Variants in KRAS observed in about 807,000 individuals in gnomAD.
The protein encoded by KRAS is KRas proto-oncogene, GTPase, also known as GTPase KRas.
KRAS carries 1 observed loss-of-function variant against 21.0 expected under a neutral mutation model. The ratio of observed to expected loss-of-function variants is 0.05; its 90% CI spans 0.02 to 0.23. The LOEUF is 0.23. Ranked by LOEUF, KRAS falls within the 10% of genes least tolerant of loss-of-function variation. The probability of loss-of-function intolerance (pLI) is 1.00; values close to 1 mark genes in which losing one functional copy is unlikely to be tolerated. For missense variants in KRAS, 107 were observed against 221.8 expected (o/e 0.48, Z 3.29); for synonymous variants, 67 against 72.5 (o/e 0.92, Z 0.39).
intron 4 of KRAS, among the ~76,000 whole-genome samples, chr12:25,221,483 C>G (rs1156590229): frequency 3.9e-5 from 6 of 152,162 alleles, no homozygotes; most frequent in Non-Finnish European, 8.8e-5. Flanking sequence ...GTGTGCCCAC[C>G]TCGGCTTCCC....
At chr12:25,237,282 G>A (rs1951555771) in intron 2 of KRAS, among the ~76,000 whole-genome samples, 1 of 152,162 alleles carries the variant, frequency 6.6e-6, no homozygotes, top group Non-Finnish European at 1.5e-5. Context: ...GGGACTTTTG[G>A]GGTGATAATA....
intron 1 of KRAS, among the ~76,000 whole-genome samples, chr12:25,246,861 G>A (rs1252765663): frequency 5.3e-5 from 8 of 151,272 alleles, no homozygotes; most frequent in Admixed American, 3.9e-4. Context: ...AGCTTGCAGT[G>A]AGCCGAGATC....
intron 3 of KRAS, among the ~76,000 whole-genome samples, 180 bp downstream of exon 3, chr12:25,227,054 G>A (rs1951402832): frequency 6.6e-6 from 1 of 152,072 alleles, no homozygotes; most frequent in Admixed American, 6.5e-5. Context: ...TCTGGAGCAA[G>A]TTACTCCACT....
chr12:25,212,827 G>A (rs11047896), intron 4 of KRAS, among the ~76,000 whole-genome samples: 74,655 of 151,766 alleles, frequency 0.49, 19,283 homozygotes, highest in East Asian at 0.8. Flanking sequence ...GCCTCAAGCA[G>A]TCCTCGCGCT....
chr12:25,218,072 A>G (rs1951274986), intron 4 of KRAS, among the ~76,000 whole-genome samples: 1 of 152,190 alleles, frequency 6.6e-6, no homozygotes, highest in African/African-American at 2.4e-5. Context: ...GTAAAGCATG[A>G]GCTCTGTTAA....
rs1338746720 is a variant in KRAS at position 25,205,604 on chromosome 12, A to AAAG, written c.*4188_*4190dup. 10 of 222,158 alleles carry AAAG rather than the reference A, an allele frequency of 4.5e-5. No homozygotes were observed. Among genetic ancestry groups the AAAG allele is most frequent in the African/African-American group, 2.2e-4 (10 of 44,774 alleles). The allele number at this position is 222,158 out of a possible 1,614,324, so 13.8% of individuals were successfully genotyped here. On this transcript the variant is annotated 3_prime_UTR_variant, in exon 5 of 5. Transcript: ENST00000311936. ...AATTGGCACTCAAAGGAAAAATGCA[A>AAAG]AAGTATTTTCAACATGAAAACACAA...
At chr12:25,224,888 C>A (rs191691421) in intron 4 of KRAS, among the ~76,000 whole-genome samples, 297 of 152,200 alleles carry the variant, frequency 2.0e-3, no homozygotes, top group African/African-American at 6.5e-3. Flanking sequence ...AGACATATGA[C>A]TACATATAAC....
chr12:25,249,325 A>C (rs1282800612), intron 1 of KRAS, among the ~76,000 whole-genome samples: 3 of 152,260 alleles, frequency 2.0e-5, no homozygotes, highest in South Asian at 4.1e-4. Flanking sequence ...TGAATGCAGG[A>C]GGCAGAGGTT....
chr12:25,212,033 T>G (rs1027361822), intron 4 of KRAS, among the ~76,000 whole-genome samples: 1 of 152,220 alleles, frequency 6.6e-6, no homozygotes, highest in Non-Finnish European at 1.5e-5. Context: ...GGCTAAACTC[T>G]TTAACACATA....
intron 1 of KRAS, among the ~76,000 whole-genome samples, chr12:25,247,954 T>G (rs1369537438): frequency 1.3e-5 from 2 of 152,196 alleles, no homozygotes; most frequent in Admixed American, 1.3e-4. Context: ...GAATACATTT[T>G]AAAAAATTGT....
chr12:25,232,129 AT>A (rs1565886917), intron 2 of KRAS, among the ~76,000 whole-genome samples: 1 of 152,172 alleles, frequency 6.6e-6, no homozygotes, highest in East Asian at 1.9e-4. Flanking sequence ...ACTCAAACGC[AT>A]GTTGTTCAAG....
intron 2 of KRAS, among the ~76,000 whole-genome samples, chr12:25,238,442 A>G (rs889820661): frequency 2.0e-5 from 3 of 152,176 alleles, no homozygotes. Flanking sequence ...TTTAGCCTTA[A>G]TAGCAATTTC....
intron 1 of KRAS, among the ~76,000 whole-genome samples, chr12:25,250,362 G>C (rs1951749216): frequency 1.3e-5 from 2 of 152,150 alleles, no homozygotes; most frequent in Admixed American, 1.3e-4. Flanking sequence ...AGGGGAGGCC[G>C]GGGCGCCGCG....
chr12:25,224,183 T>TA (rs5797121), intron 4 of KRAS, among the ~76,000 whole-genome samples: 2,697 of 79,686 alleles, frequency 0.034, 97 homozygotes, highest in South Asian at 0.11. Context: ...TCCTATTTAC[T>TA]AAAAAAAAAA....
chr12:25,236,945 A>C (rs1951552018), intron 2 of KRAS, among the ~76,000 whole-genome samples: 1 of 152,236 alleles, frequency 6.6e-6, no homozygotes, highest in Non-Finnish European at 1.5e-5. Flanking sequence ...GTGTACATAA[A>C]TGTTTATAGT....
intron 2 of KRAS, chr12:25,233,689 C>T (rs117052079): frequency 0.035 from 7,258 of 209,682 alleles, 214 homozygotes; most frequent in Middle Eastern, 0.068. Flanking sequence ...AGTCTATATC[C>T]TCTACTAGGC....
chr12:25,208,217 T>G lies in KRAS; in HGVS notation c.*1578A>C. Reference sequence around the variant, plus strand: ...GATGACTTCTTTTAACATGAAGAAATGGATAGTAAGTGATGTCCTCAAAAT... The same window carrying G: ...GATGACTTCTTTTAACATGAAGAAAGGGATAGTAAGTGATGTCCTCAAAAT... On this transcript the variant is annotated 3_prime_UTR_variant, in exon 5 of 5. Transcript: ENST00000311936. The G allele has an allele frequency of 8.6e-6, 2 of 232,162 alleles. No homozygotes were observed. Among genetic ancestry groups the G allele is most frequent in the Non-Finnish European group, 1.7e-5 (2 of 117,596 alleles). 14.4% of individuals were successfully genotyped at this position (232,162 alleles called of 1,614,324 possible). A position where few individuals can be genotyped will look rare whatever the true frequency, so the allele number is the denominator to read the frequency against.
At chr12:25,248,312 C>T (rs1489025498) in intron 1 of KRAS, among the ~76,000 whole-genome samples, 1 of 151,960 alleles carries the variant, frequency 6.6e-6, no homozygotes. Context: ...ACAATTAGCC[C>T]GGTGGCGGGA....
intron 4 of KRAS, 156 bp downstream of exon 4, chr12:25,225,450 GACACTGGA>G (rs1951380279): frequency 1.5e-6 from 1 of 679,526 alleles, no homozygotes; most frequent in African/African-American, 1.8e-5. Context: ...CAGTACCATG[GACACTGGA>G]TTAAGAAGCA....
Sources: allele counts gnomAD v4.1 joint callset (sites outside exome capture counted in the v4.1 genomes callset), GRCh38; gene constraint gnomAD v4.1.1; transcripts MANE v1.5; gene names NCBI Gene and HGNC (gene_info 2026-07-23, HGNC 2026-07-21).